The following KIAA0319L variants were observed in gnomAD, a reference collection of about 807,000 sequenced individuals.
The protein encoded by KIAA0319L is KIAA0319 like.
In KIAA0319L, 55 loss-of-function variants were observed where a neutral mutation model predicts 120.1. That is an observed-to-expected ratio of 0.46 (90% CI 0.37 to 0.57). The LOEUF is 0.57. Ranked by LOEUF, KIAA0319L falls within the 20% of genes least tolerant of loss-of-function variation. The pLI, the probability that KIAA0319L is intolerant of heterozygous loss-of-function variation, is 0.00. For synonymous variants in KIAA0319L, 398 were observed against 471.9 expected, an observed-to-expected ratio of 0.84 and a Z score of 2.03; for missense variants, 1,049 against 1,255.3, an observed-to-expected ratio of 0.84 and a Z score of 2.48.
chr1:35,524,172 G>A (rs1646031725), intron 2 of KIAA0319L, among the ~76,000 whole-genome samples: 1 of 152,158 alleles, frequency 6.6e-6, no homozygotes, highest in African/African-American at 2.4e-5. Context: ...TAGTCACAGG[G>A]ACTAACAGGG....
At chr1:35,443,301 C>T (rs1317928400) in intron 17 of KIAA0319L, 1 of 391,662 alleles carries the variant, frequency 2.6e-6, no homozygotes, top group Non-Finnish European at 4.7e-6. Context: ...CACACATCCC[C>T]TTCTCACAAT....
At chr1:35,530,769 T>C (rs72634497) in intron 2 of KIAA0319L, among the ~76,000 whole-genome samples, 14,075 of 152,168 alleles carry the variant, frequency 0.092, 1,431 homozygotes, top group East Asian at 0.44. Context: ...ACAGTGTTGG[T>C]TGGGTAGGGC....
At chr1:35,527,154 G>GT in intron 2 of KIAA0319L, among the ~76,000 whole-genome samples, 2 of 149,188 alleles carry the variant, frequency 1.3e-5, no homozygotes, top group South Asian at 4.1e-4. Flanking sequence ...TAATCACACG[G>GT]TTTTTGTCCT....
At chr1:35,455,575 T>A (rs867793058) in intron 10 of KIAA0319L, among the ~76,000 whole-genome samples, 10,856 of 91,020 alleles carry the variant, frequency 0.12, 489 homozygotes, top group East Asian at 0.47. Flanking sequence ...TTAAGATAAT[T>A]TTTTTTTTTT....
chr1:35,538,111 CTTCT>C (rs1365220063), intron 2 of KIAA0319L, among the ~76,000 whole-genome samples: 1 of 152,120 alleles, frequency 6.6e-6, no homozygotes, highest in African/African-American at 2.4e-5. Context: ...ATTGATCATG[CTTCT>C]TTATGTTTCT....
chr1:35,504,995 T>C (rs1021845712), intron 3 of KIAA0319L, among the ~76,000 whole-genome samples: 1 of 152,150 alleles, frequency 6.6e-6, no homozygotes, highest in African/African-American at 2.4e-5. Flanking sequence ...ATACTCTTTT[T>C]CCCTGTTTCT....
intron 16 of KIAA0319L, among the ~76,000 whole-genome samples, chr1:35,447,157 G>A (rs960500083): frequency 6.7e-6 from 1 of 149,112 alleles, no homozygotes; most frequent in South Asian, 2.1e-4. Flanking sequence ...CACTGGACTA[G>A]TCCAGAAGCT....
chr1:35,548,393 A>G (rs1478562724), intron 2 of KIAA0319L, among the ~76,000 whole-genome samples: 3 of 152,162 alleles, frequency 2.0e-5, no homozygotes, highest in Non-Finnish European at 2.9e-5. Context: ...GAAATTTACC[A>G]GTATTATAGT....
intron 16 of KIAA0319L, among the ~76,000 whole-genome samples, chr1:35,445,622 C>G (rs1641564173): frequency 6.6e-6 from 1 of 152,160 alleles, no homozygotes; most frequent in South Asian, 2.1e-4. Flanking sequence ...TCATAACAAT[C>G]CTATAAATAG....
At position 35,455,999 on chromosome 1, in the gene KIAA0319L, CCAT is replaced by C; in HGVS notation, c.1656+11_1656+13del. On this transcript the variant is annotated intron_variant, in intron 10 of 20. Transcript: ENST00000325722. ...TCTCTTGGGCAAGAAAAAATAGGAA[CCAT>C]TCCCTCCTACCTGCATCTCCACCAC... The C allele has an allele frequency of 6.3e-7, 1 of 1,587,276 alleles. No individual in the cohort carries two copies. Among genetic ancestry groups the C allele is most frequent in the South Asian group, 1.1e-5 (1 of 88,966 alleles).
chr1:35,507,365 A>G (rs754070247), intron 2 of KIAA0319L, among the ~76,000 whole-genome samples: 6 of 152,158 alleles, frequency 3.9e-5, no homozygotes, highest in Admixed American at 2.0e-4. Context: ...CTCCTTCTCA[A>G]TGAGTTCCTG....
chr1:35,517,492 G>C (rs991544420), intron 2 of KIAA0319L, among the ~76,000 whole-genome samples: 2 of 152,186 alleles, frequency 1.3e-5, no homozygotes, highest in African/African-American at 4.8e-5. Context: ...AATGGTGCTG[G>C]GATAACTGGC....
chr1:35,462,885 G>T (rs981000940), intron 7 of KIAA0319L, among the ~76,000 whole-genome samples, 172 bp from the exon 8 acceptor site: 1 of 152,202 alleles, frequency 6.6e-6, no homozygotes, highest in Non-Finnish European at 1.5e-5. Context: ...GGTGGTGGGG[G>T]TTGGGGGCTG....
rs1315921277 is a variant in KIAA0319L at position 35,443,020 on chromosome 1, G to A, written c.2665C>T (p.Leu889=). The change falls in exon 18 of 21, where the codon CTG becomes TTG. Residue 889 remains leucine, a synonymous_variant. Transcript: ENST00000325722. ...CAGTGGCCATGGTCGGAACAGTTCA[G>A]CTGACATGCTGAGAGTGGCAGCAAA... is the stretch of plus-strand genomic sequence containing the variant. ...ALEVNTVTCQ[L]NCSDHGHCDS... The A allele has an allele frequency of 6.2e-7, 1 of 1,614,076 alleles. No homozygotes were observed. The highest frequency in any genetic ancestry group is 8.5e-7 in the Non-Finnish European group (1 of 1,180,014).
chr1:35,513,288 A>ATATATATATATATATATTTTTTT (rs1414704674), intron 2 of KIAA0319L, among the ~76,000 whole-genome samples: 1 of 85,338 alleles, frequency 1.2e-5, no homozygotes, highest in Non-Finnish European at 2.3e-5. Flanking sequence ...ATATATATAT[A>ATATATATATATATATATTTTTTT]TTTTTTTTTT....
Position 35,434,530 on chromosome 1 carries a change from C to T in KIAA0319L, c.*364G>A. Reference sequence around the variant, plus strand: ...GTTTTGCACTCAGGTGTGCGGGCAGCACAGCAGGCCTCACCTTGCAGCACT... The same window carrying T: ...GTTTTGCACTCAGGTGTGCGGGCAGTACAGCAGGCCTCACCTTGCAGCACT... On this transcript the variant is annotated 3_prime_UTR_variant, in exon 21 of 21. Coordinates refer to ENST00000325722, the MANE Select transcript of KIAA0319L (RefSeq NM_024874.5). 1 of 211,326 alleles carries T rather than the reference C, an allele frequency of 4.7e-6. No homozygotes were observed. Among genetic ancestry groups the T allele is most frequent in the Non-Finnish European group, 9.3e-6 (1 of 107,644 alleles). The allele number at this position is 211,326 out of a possible 1,614,324, so 13.1% of individuals were successfully genotyped here. A position where few individuals can be genotyped will look rare whatever the true frequency, so the allele number is the denominator to read the frequency against.
chr1:35,520,144 C>T (rs1473876979), intron 2 of KIAA0319L, among the ~76,000 whole-genome samples: 1 of 151,900 alleles, frequency 6.6e-6, no homozygotes, highest in Non-Finnish European at 1.5e-5. Context: ...ACTCTGTCGC[C>T]CAGGCTGGAG....
Position 35,506,591 on chromosome 1 carries a change from C to A in KIAA0319L, c.666+21G>T, listed in dbSNP as rs1325986850. ...GAGCAGATTTAACCATTTCTCTGCTCCTTATTCATAGCATGCTTACCTCTG... is the reference window on the plus strand; with the variant it reads ...GAGCAGATTTAACCATTTCTCTGCTACTTATTCATAGCATGCTTACCTCTG... On this transcript the variant is annotated intron_variant, in intron 3 of 20. Transcript: ENST00000325722. This position sits in a 1 kb window ranked among gnomAD's most constrained non-coding sequence, Gnocchi z 4.0. 2 of 1,593,668 alleles carry A rather than the reference C, an allele frequency of 1.3e-6. No homozygotes were observed. Among genetic ancestry groups the A allele is most frequent in the South Asian group, 2.3e-5 (2 of 87,134 alleles).
chr1:35,471,553 T>C (rs1174723387), intron 5 of KIAA0319L, among the ~76,000 whole-genome samples: 4 of 152,070 alleles, frequency 2.6e-5, no homozygotes, highest in Admixed American at 2.6e-4. Context: ...AAATGAAGCA[T>C]TAAATGGTAC....
Sources: allele counts gnomAD v4.1 joint callset (sites outside exome capture counted in the v4.1 genomes callset), GRCh38; gene constraint gnomAD v4.1.1; non-coding constraint Gnocchi (gnomAD v3.1); transcripts MANE v1.5; gene names NCBI Gene and HGNC (gene_info 2026-07-23, HGNC 2026-07-21).